Variants in MCAT observed in about 807,000 individuals in gnomAD.
MCAT encodes malonyl-CoA-acyl carrier protein transacylase, mitochondrial.
A neutral mutation model predicts 22.9 loss-of-function variants in MCAT; 22 were observed. That is an observed-to-expected ratio of 0.96 (90% CI 0.69 to 1.37). The LOEUF is 1.37. Among genes scored for constraint, MCAT ranks in the 40% most tolerant of loss-of-function variants. The pLI is 0.00. For missense variants in MCAT, 534 were observed against 533.6 expected (o/e 1.00, Z -0.01); for synonymous variants, 240 against 233.9 (o/e 1.03, Z -0.24).
At chr22:43,136,102 GGT>G (rs978805536) in intron 3 of MCAT, among the ~76,000 whole-genome samples, 1 of 152,132 alleles carries the variant, frequency 6.6e-6, no homozygotes, top group African/African-American at 2.4e-5. Context: ...AAGTTAGCCA[GGT>G]GTGGTTGCCC....
rs766172881 is a variant in MCAT at position 43,143,216 on chromosome 22, C to T, written c.133G>A (p.Ala45Thr). The change falls in exon 1 of 4, where the codon GCG becomes ACG. Residue 45 changes from alanine to threonine, a missense_variant. By Grantham distance (58) the Ala-to-Thr change is moderately conservative. Transcript: ENST00000290429. ...VAELLRDATG[A>T]EEEAPWAATE... ...GCCGCCCAGGGCGCCTCCTCCTCCGCCCCGGTCGCATCTCGCAGCAGCTCC... is the reference window on the plus strand; with the variant it reads ...GCCGCCCAGGGCGCCTCCTCCTCCGTCCCGGTCGCATCTCGCAGCAGCTCC... 47 of 1,525,826 alleles carry T rather than the reference C, an allele frequency of 3.1e-5. No homozygotes were observed. In the East Asian group the frequency reaches 6.5e-4, roughly 21 times the overall value. The allele number at this position is 1,525,826 out of a possible 1,614,324, so 94.5% of individuals were successfully genotyped here.
At chr22:43,134,376 C>A (rs1013650395) in intron 3 of MCAT, among the ~76,000 whole-genome samples, 1 of 152,140 alleles carries the variant, frequency 6.6e-6, no homozygotes, top group African/African-American at 2.4e-5. Flanking sequence ...GAGATGAAGT[C>A]TTGTTCTGTC....
chr22:43,137,028 TC>T, intron 3 of MCAT, 52 bp downstream of exon 3: 2 of 1,515,824 alleles, frequency 1.3e-6, no homozygotes, highest in Non-Finnish European at 9.2e-7. Context: ...GTGGAGCAGT[TC>T]CAACCCTCCG....
At chr22:43,142,488 AAAAAC>A (rs1210815796) in intron 1 of MCAT, among the ~76,000 whole-genome samples, 1 of 151,176 alleles carries the variant, frequency 6.6e-6, no homozygotes, top group African/African-American at 2.4e-5. Context: ...CTCTGTCTCA[AAAAAC>A]AAAACAAAAC....
Position 43,141,256 on chromosome 22 carries a change from G to T in MCAT, c.424-7C>A, listed in dbSNP as rs772668415. 3.0e-5 allele frequency: 48 copies of T among 1,612,262 alleles called. No homozygotes were observed. The highest frequency in any genetic ancestry group is 4.0e-5 in the Non-Finnish European group (47 of 1,178,378). ...CAACACAGTTCTCAATCACCTGTGG[G>T]GACAGATGCAGAACGTGAGCCCTCA... On this transcript the variant is annotated splice_polypyrimidine_tract_variant and splice_region_variant and intron_variant, in intron 1 of 3. Transcript: ENST00000290429.
intron 3 of MCAT, among the ~76,000 whole-genome samples, chr22:43,134,968 C>T (rs188257991): frequency 1.4e-4 from 22 of 152,360 alleles, no homozygotes; most frequent in Non-Finnish European, 2.8e-4. Flanking sequence ...AAGTGCTTTC[C>T]GTGTAAGATC....
rs1380769379 is a variant in MCAT at position 43,143,002 on chromosome 22, C to T, written c.347G>A (p.Arg116His). ...GATCGCGGGCTGACAGTGCACGGTG[C>T]GGTCCAGGGTCTCCTGCGGCCCGTG... ...SLHGPQETLD[R>H]TVHCQPAIFV... The change falls in exon 1 of 4, where the codon CGC becomes CAC. Residue 116 changes from arginine to histidine, a missense_variant. Arg to His is a conservative substitution (Grantham distance 29). Coordinates refer to ENST00000290429, the MANE Select transcript of MCAT (RefSeq NM_173467.5). 2.5e-6 allele frequency: 4 copies of T among 1,606,964 alleles called. No individual in the cohort carries two copies. The East Asian group carries it at 6.7e-5, about 27-fold the overall frequency.
intron 3 of MCAT, among the ~76,000 whole-genome samples, chr22:43,134,818 G>A (rs111789572): frequency 3.3e-5 from 5 of 152,334 alleles, no homozygotes; most frequent in East Asian, 1.9e-4. Flanking sequence ...AGGCTGGACC[G>A]CAGGAACCAG....
chr22:43,142,938 GTGA>G lies in MCAT; in HGVS notation c.408_410del (p.His137del). On this transcript the variant is annotated inframe_deletion, in exon 1 of 4. Coordinates refer to ENST00000290429, the MANE Select transcript of MCAT (RefSeq NM_173467.5). Reference sequence around the variant, plus strand: ...CCTCGGGCCTCACCGAGGGCTGCAGGTGATGTAGTTTCTCGACAGCGGCCAGCG... The same window carrying G: ...CCTCGGGCCTCACCGAGGGCTGCAGGTGTAGTTTCTCGACAGCGGCCAGCG... 6.3e-7 allele frequency: 1 copy of G among 1,577,782 alleles called. No homozygotes were observed. The highest frequency in any genetic ancestry group is 8.6e-7 in the Non-Finnish European group (1 of 1,161,102).
At position 43,133,298 on chromosome 22, in the gene MCAT, G is replaced by A. The variant is rs769308101; in HGVS notation, c.918C>T (p.Tyr306=). ...SVYSNVHAHR[Y]RHPGHIHKLL... is the part of the protein sequence containing the mutation. ...GCTTGTGGATGTGCCCGGGATGCCT[G>A]TATCTATGCGCGTGGACGTTGGAGT... The change falls in exon 4 of 4, where the codon TAC becomes TAT. Residue 306 remains tyrosine, a synonymous_variant. Transcript: ENST00000290429. The A allele has an allele frequency of 3.0e-5, 48 of 1,614,104 alleles. No individual in the cohort carries two copies. The Admixed American group carries it at 8.0e-4, about 27-fold the overall frequency.
At chr22:43,141,126 C>T (rs766335630) in intron 2 of MCAT, 36 bp downstream of exon 2, 20 of 1,589,902 alleles carry the variant, frequency 1.3e-5, no homozygotes, top group Admixed American at 3.3e-5. Context: ...GAGCCCAAGA[C>T]CACAGCCTTG....
rs1339956061 is a variant in MCAT at position 43,143,146 on chromosome 22, G to A, written c.203C>T (p.Pro68Leu). The change falls in exon 1 of 4, where the codon CCG becomes CTG. Residue 68 changes from proline to leucine, a missense_variant. Pro to Leu is a moderately conservative substitution (Grantham distance 98). Coordinates refer to ENST00000290429, the MANE Select transcript of MCAT (RefSeq NM_173467.5). ...MPGQCSVLLF[P>L]GQGSQVVGMG... ...GCCCACCACCTGGCTGCCCTGGCCC[G>A]GGAAGAGCAGCACGGAGCACTGGCC... 1.3e-6 allele frequency: 2 copies of A among 1,590,586 alleles called. No individual in the cohort carries two copies. The highest frequency in any genetic ancestry group is 1.7e-6 in the Non-Finnish European group (2 of 1,173,986).
rs1333349621 is a variant in MCAT at position 43,137,239 on chromosome 22, T to C, written c.571A>G (p.Ser191Gly). Residue 191 changes from serine (S) to glycine (G), a missense_variant, in exon 3 of 4, where the codon AGT (serine) becomes GGT (glycine). Coordinates refer to ENST00000290429, the MANE Select transcript of MCAT (RefSeq NM_173467.5). ...AMQEASEAVP[S>G]GMLSVLGQPQ... The stretch of plus-strand genomic sequence containing the variant: ...TGGCCGAGGACAGACAGCATCCCAC[T>C]GGGGACAGCTTCTGAAGCTTCCTGC... The C allele has an allele frequency of 1.2e-6, 2 of 1,614,070 alleles. No homozygotes were observed. The highest frequency in any genetic ancestry group is 1.3e-5 in the African/African-American group (1 of 74,936).
At chr22:43,139,482 C>T (rs1298898498) in intron 2 of MCAT, among the ~76,000 whole-genome samples, 2 of 152,024 alleles carry the variant, frequency 1.3e-5, no homozygotes, top group East Asian at 1.9e-4. Context: ...GCTACGACTG[C>T]ACCACTGCAC....
intron 2 of MCAT, among the ~76,000 whole-genome samples, chr22:43,138,762 A>G (rs1930690267): frequency 1.3e-5 from 2 of 152,086 alleles, no homozygotes; most frequent in South Asian, 4.2e-4. Flanking sequence ...GCCACACATA[A>G]GAATGGCCTG....
chr22:43,137,257 C>G lies in MCAT; in HGVS notation c.553G>C (p.Ala185Pro), dbSNP rs1326104789. The G allele has an allele frequency of 6.2e-7, 1 of 1,614,082 alleles. No homozygotes were observed. The highest frequency in any genetic ancestry group is 8.5e-7 in the Non-Finnish European group (1 of 1,180,046). The stretch of plus-strand genomic sequence containing the variant: ...ATCCCACTGGGGACAGCTTCTGAAG[C>G]TTCCTGCATGGCCTCAGCTCGGATT... The part of the protein sequence containing the change: ...VKIRAEAMQE[A>P]SEAVPSGMLS... Residue 185 changes from alanine to proline, a missense_variant, in exon 3 of 4, where the codon GCT becomes CCT. By Grantham distance (27) the Ala-to-Pro change is conservative. Transcript: ENST00000290429.
rs964305800 is a variant in MCAT, at chr22:43,133,290, G to A, written c.926C>T (p.Pro309Leu). ...GGCCAGCAGCTTGTGGATGTGCCCG[G>A]GATGCCTGTATCTATGCGCGTGGAC... is the stretch of plus-strand genomic sequence containing the variant. ...SNVHAHRYRH[P>L]GHIHKLLAQQ... is the part of the protein sequence containing the mutation. Residue 309 changes from proline (P) to leucine (L), a missense_variant, in exon 4 of 4, where the codon CCC becomes CTC. Transcript: ENST00000290429. The A allele has an allele frequency of 6.2e-7, 1 of 1,614,192 alleles. No homozygotes were observed.
intron 2 of MCAT, among the ~76,000 whole-genome samples, chr22:43,137,943 A>G (rs1195446393): frequency 6.6e-6 from 1 of 152,166 alleles, no homozygotes; most frequent in Non-Finnish European, 1.5e-5. Context: ...AAGAGAGATC[A>G]GGCCGGGCAT....
chr22:43,141,273 G>A, intron 1 of MCAT, 24 bp from the exon 2 acceptor site: 5 of 1,593,790 alleles, frequency 3.1e-6, no homozygotes, highest in Non-Finnish European at 4.3e-6. Context: ...TGCAGAACGT[G>A]AGCCCTCACT....
Sources: gnomAD v4.1 joint callset for allele counts (sites outside exome capture counted in the v4.1 genomes callset) on GRCh38, gnomAD v4.1.1 for gene constraint, MANE v1.5 for transcripts, NCBI Gene and HGNC (gene_info 2026-07-23, HGNC 2026-07-21) for gene names.